ACVR1: variants seen among roughly 807,000 people sequenced by gnomAD.
ACVR1 encodes activin receptor type-1.
Under a neutral mutation model 57.1 loss-of-function variants are expected in ACVR1, and 38 were observed. The ratio of observed to expected loss-of-function variants is 0.67; its 90% CI spans 0.51 to 0.87. The LOEUF is 0.87. ACVR1 is among the 40% of genes least tolerant of loss of function. ACVR1 has a pLI of 0.00. For missense variants in ACVR1, 463 were observed against 638.2 expected (o/e 0.73, Z 2.96); for synonymous variants, 212 against 228.1 (o/e 0.93, Z 0.63).
chr2:157,843,961 C>G (rs866109413), intron 1 of ACVR1, among the ~76,000 whole-genome samples: 1 of 152,122 alleles, frequency 6.6e-6, no homozygotes, highest in Admixed American at 6.6e-5. Flanking sequence ...AGGAGCTATT[C>G]GCAGATAATC....
At chr2:157,858,235 G>A (rs572527204) in intron 1 of ACVR1, among the ~76,000 whole-genome samples, 15 of 152,018 alleles carry the variant, frequency 9.9e-5, no homozygotes, top group Non-Finnish European at 2.1e-4. Context: ...ATGGCGATAG[G>A]AGCCTCTCTT....
At chr2:157,790,375 G>A (rs780522253) in intron 3 of ACVR1, 3 of 152,216 alleles carry the variant, frequency 2.0e-5, no homozygotes, top group Non-Finnish European at 4.4e-5. Flanking sequence ...AATGAAAACA[G>A]TGTAACCTGG....
At chr2:157,742,397 G>A (rs989903082) in intron 9 of ACVR1, among the ~76,000 whole-genome samples, 1 of 152,148 alleles carries the variant, frequency 6.6e-6, no homozygotes, top group East Asian at 1.9e-4. Context: ...GGCCAGGGAC[G>A]GAACAGACTG....
chr2:157,737,531 T>G lies in ACVR1; in HGVS notation c.1530A>C (p.Ter510CysextTer24). The change falls in exon 11 of 11, where the codon TGA becomes TGC. Residue 510 changes from the stop codon to cysteine, a stop_lost. Coordinates refer to ENST00000434821, the MANE Select transcript of ACVR1 (RefSeq NM_001111067.4). ...CTTCCTTCTTGACACTATGAAAATG[T>G]CAACAGTCAGTTTTCAATTTGTCGA... ...NSLDKLKTDC[*>C] The G allele has an allele frequency of 6.2e-7, 1 of 1,613,912 alleles. No individual in the cohort carries two copies. The highest frequency in any genetic ancestry group is 2.2e-5 in the East Asian group (1 of 44,878).
At chr2:157,796,603 T>C (rs1273365434) in intron 3 of ACVR1, among the ~76,000 whole-genome samples, 20 of 152,008 alleles carry the variant, frequency 1.3e-4, no homozygotes, top group African/African-American at 3.9e-4. Context: ...AGAATTGATA[T>C]GGTAACTAAG....
At chr2:157,826,371 G>C (rs1473969072) in intron 1 of ACVR1, among the ~76,000 whole-genome samples, 2 of 152,060 alleles carry the variant, frequency 1.3e-5, no homozygotes, top group African/African-American at 4.8e-5. Context: ...TAAAATTATA[G>C]AAAAAACAGG....
At chr2:157,873,888 T>C (rs573603590) in intron 1 of ACVR1, among the ~76,000 whole-genome samples, 59 of 152,370 alleles carry the variant, frequency 3.9e-4, no homozygotes, top group Middle Eastern at 6.8e-3. Flanking sequence ...AATTAATACA[T>C]TACATTCCTG....
rs570904710 is a variant in ACVR1 at position 157,756,299 on chromosome 2, G to A, written c.1264+4581C>T. Reference sequence around the variant, plus strand: ...ACCCAGAAGCAAAAGCAATAAAAGCGAAGATAAATAGGTGGGACTTAATTA... The same window carrying A: ...ACCCAGAAGCAAAAGCAATAAAAGCAAAGATAAATAGGTGGGACTTAATTA... On this transcript the variant is annotated intron_variant, in intron 9 of 10. Coordinates refer to ENST00000434821, the MANE Select transcript of ACVR1 (RefSeq NM_001111067.4). 5.3e-5 allele frequency among the ~76,000 whole-genome samples: 8 copies of A among 151,782 alleles called. No homozygotes were observed. The East Asian group carries it at 7.7e-4, about 15-fold the overall frequency.
intron 1 of ACVR1, among the ~76,000 whole-genome samples, chr2:157,827,310 T>G (rs1688418824): frequency 6.6e-6 from 1 of 152,138 alleles, no homozygotes; most frequent in African/African-American, 2.4e-5. Flanking sequence ...TTGCCCACTG[T>G]GCAGAGAGAA....
At position 157,778,124 on chromosome 2, in the gene ACVR1, G is replaced by GACTT; in HGVS notation, c.543+3_543+6dup. 1 of 1,613,336 alleles carries GACTT rather than the reference G, an allele frequency of 6.2e-7. No individual in the cohort carries two copies. Among genetic ancestry groups the GACTT allele is most frequent in the Non-Finnish European group, 8.5e-7 (1 of 1,179,674 alleles). Reference sequence around the variant, plus strand: ...TGCTTGGGATTTCCTGTGGGGTCATGACTTACTGCTAAAGTGCTGTCTCCA... The same window carrying GACTT: ...TGCTTGGGATTTCCTGTGGGGTCATGACTTACTTACTGCTAAAGTGCTGTCTCCA... On this transcript the variant is annotated splice_region_variant and intron_variant, in intron 5 of 10. Coordinates refer to ENST00000434821, the MANE Select transcript of ACVR1 (RefSeq NM_001111067.4).
At position 157,752,694 on chromosome 2, in the gene ACVR1, G is replaced by A. The variant is rs186388589; in HGVS notation, c.1264+8186C>T. ...CCAAGAATTTTGTATCCCTTGAAAC[G>A]AAGATTGATAAATGAAGGAAAGATT... On this transcript the variant is annotated intron_variant, in intron 9 of 10. Transcript: ENST00000434821. Among the ~76,000 whole-genome samples the A allele has an allele frequency of 1.2e-4, 18 of 152,262 alleles. No homozygotes were observed. In the East Asian group the frequency reaches 3.5e-3, roughly 29 times the overall value.
intron 2 of ACVR1, among the ~76,000 whole-genome samples, chr2:157,805,825 T>A (rs1455294492): frequency 7.2e-6 from 1 of 138,606 alleles, no homozygotes; most frequent in Non-Finnish European, 1.6e-5. Context: ...TTTTTCTTTT[T>A]TTTTTTTTTT....
At chr2:157,794,865 G>T (rs543745665) in intron 3 of ACVR1, among the ~76,000 whole-genome samples, 11 of 149,860 alleles carry the variant, frequency 7.3e-5, no homozygotes, top group African/African-American at 2.7e-4. Flanking sequence ...GAAATGTTCT[G>T]AAGTACACTC....
intron 1 of ACVR1, among the ~76,000 whole-genome samples, chr2:157,862,869 CA>C (rs1158581005): frequency 1.4e-5 from 2 of 141,712 alleles, no homozygotes; most frequent in African/African-American, 5.8e-5. Context: ...GACTCCGTCT[CA>C]AAAAAAAAAA....
intron 1 of ACVR1, among the ~76,000 whole-genome samples, chr2:157,824,948 G>T (rs576002368): frequency 6.6e-6 from 1 of 152,246 alleles, no homozygotes; most frequent in East Asian, 1.9e-4. Flanking sequence ...GTTTTGCCAT[G>T]TTGGCCAGGC....
rs370008141 is a variant in ACVR1 at position 157,738,425 on chromosome 2, A to G, written c.1395+15T>C. The G allele has an allele frequency of 2.0e-5, 32 of 1,613,922 alleles. No individual in the cohort carries two copies. The highest frequency in any genetic ancestry group is 2.5e-5 in the Non-Finnish European group (29 of 1,179,902). ...ATGGAAAAGAGCTCTAAAACTGAGAAACTGGCATTCTTACCGGGTCTGAGA... is the reference window on the plus strand; with the variant it reads ...ATGGAAAAGAGCTCTAAAACTGAGAGACTGGCATTCTTACCGGGTCTGAGA... On this transcript the variant is annotated intron_variant, in intron 10 of 10. Transcript: ENST00000434821.
At chr2:157,770,876 G>A (rs1686048624) in intron 6 of ACVR1, among the ~76,000 whole-genome samples, 1 of 152,096 alleles carries the variant, frequency 6.6e-6, no homozygotes, top group South Asian at 2.1e-4. Flanking sequence ...TTAGGAAATG[G>A]TACAGATTAT....
At chr2:157,756,586 C>T (rs1215039761) in intron 9 of ACVR1, among the ~76,000 whole-genome samples, 1 of 151,970 alleles carries the variant, frequency 6.6e-6, no homozygotes, top group Non-Finnish European at 1.5e-5. Flanking sequence ...CAGGGAAATG[C>T]AAATCAAAAC....
At chr2:157,857,293 G>T (rs1048950316) in intron 1 of ACVR1, among the ~76,000 whole-genome samples, 21 of 152,144 alleles carry the variant, frequency 1.4e-4, no homozygotes, top group African/African-American at 4.8e-4. Context: ...AAGTCCTTGT[G>T]TGTGGTAAAG....
Sources: gnomAD v4.1 joint callset for allele counts (sites outside exome capture counted in the v4.1 genomes callset) on GRCh38, gnomAD v4.1.1 for gene constraint, MANE v1.5 for transcripts, NCBI Gene and HGNC (gene_info 2026-07-23, HGNC 2026-07-21) for gene names.